The following GALNTL6 variants were observed in gnomAD, a reference collection of about 807,000 sequenced individuals.
GALNTL6 encodes polypeptide N-acetylgalactosaminyltransferase like 6, also known as polypeptide N-acetylgalactosaminyltransferase-like 6.
GALNTL6 carries 46 observed loss-of-function variants against 73.7 expected under a neutral mutation model. The ratio of observed to expected loss-of-function variants is 0.62; its 90% CI spans 0.49 to 0.80. The LOEUF is 0.80. Ranked by LOEUF, GALNTL6 falls within the 30% of genes least tolerant of loss-of-function variation. The pLI is 0.00. For missense variants in GALNTL6, 604 were observed against 755.0 expected, an observed-to-expected ratio of 0.80 and a Z score of 2.34; for synonymous variants, 259 against 263.7, an observed-to-expected ratio of 0.98 and a Z score of 0.17.
At chr4:172,590,289 C>CATTA (rs1271012430) in intron 5 of GALNTL6, among the ~76,000 whole-genome samples, 5 of 152,126 alleles carry the variant, frequency 3.3e-5, no homozygotes, top group Non-Finnish European at 7.4e-5. Flanking sequence ...CAGGGAGCAA[C>CATTA]ATTAGTAGGC....
At chr4:172,041,481 T>C (rs370453692) in intron 2 of GALNTL6, among the ~76,000 whole-genome samples, 24 of 152,056 alleles carry the variant, frequency 1.6e-4, no homozygotes, top group East Asian at 7.7e-4. Flanking sequence ...GCATAAATAA[T>C]TTACAGACAT....
At chr4:172,092,497 A>G (rs895060998) in intron 2 of GALNTL6, among the ~76,000 whole-genome samples, 5 of 152,130 alleles carry the variant, frequency 3.3e-5, no homozygotes, top group African/African-American at 1.2e-4. Flanking sequence ...TGATGTCAAA[A>G]AGACTTAATT....
At chr4:172,171,175 T>C (rs1734808984) in intron 2 of GALNTL6, among the ~76,000 whole-genome samples, 1 of 152,178 alleles carries the variant, frequency 6.6e-6, no homozygotes, top group Admixed American at 6.5e-5. Context: ...GACTTCAGAT[T>C]TTTCAGAGTT....
intron 2 of GALNTL6, among the ~76,000 whole-genome samples, chr4:172,111,415 A>G (rs1213246520): frequency 6.6e-6 from 1 of 151,986 alleles, no homozygotes; most frequent in South Asian, 2.1e-4. Context: ...AATTATTTTT[A>G]GTTTTATTTT....
intron 5 of GALNTL6, among the ~76,000 whole-genome samples, chr4:172,646,341 T>C (rs1280623255): frequency 6.6e-6 from 1 of 152,032 alleles, no homozygotes; most frequent in East Asian, 1.9e-4. Context: ...TCTATGAACA[T>C]GGTATATTTC....
intron 3 of GALNTL6, among the ~76,000 whole-genome samples, chr4:172,267,343 A>G (rs1738483305): frequency 6.6e-6 from 1 of 152,156 alleles, no homozygotes. Context: ...AGGTAAATAA[A>G]ACAGTAAAAG....
At chr4:172,397,876 C>T (rs1024772483) in intron 5 of GALNTL6, among the ~76,000 whole-genome samples, 1 of 152,060 alleles carries the variant, frequency 6.6e-6, no homozygotes, top group African/African-American at 2.4e-5. Context: ...TGTGCCTGGC[C>T]ACTATCTTTT....
intron 4 of GALNTL6, among the ~76,000 whole-genome samples, chr4:172,334,277 T>C (rs1741233279): frequency 6.6e-6 from 1 of 152,210 alleles, no homozygotes; most frequent in African/African-American, 2.4e-5. Context: ...CTTTTTCTAA[T>C]TCTGTGAAAA....
chr4:172,383,585 C>T (rs1453304716), intron 5 of GALNTL6, among the ~76,000 whole-genome samples: 1 of 152,070 alleles, frequency 6.6e-6, no homozygotes, highest in African/African-American at 2.4e-5. Flanking sequence ...TACTTACTTC[C>T]TTTGCTTGCA....
intron 3 of GALNTL6, among the ~76,000 whole-genome samples, chr4:172,263,751 T>C (rs1738336170): frequency 6.6e-6 from 1 of 151,624 alleles, no homozygotes; most frequent in South Asian, 2.1e-4. Context: ...TTTTAAAGTT[T>C]CTGTTGAATA....
chr4:172,525,331 C>T lies in GALNTL6; in HGVS notation c.553+176642C>T, dbSNP rs186774457. Reference sequence around the variant, plus strand: ...AATTGACATCTTTGCAACATTGAACCTTCTACTCAGTAAAAGTGGTATTCC... The same window carrying T: ...AATTGACATCTTTGCAACATTGAACTTTCTACTCAGTAAAAGTGGTATTCC... On this transcript the variant is annotated intron_variant, in intron 5 of 12. Coordinates refer to ENST00000506823, the MANE Select transcript of GALNTL6 (RefSeq NM_001034845.3). 2.1e-3 allele frequency among the ~76,000 whole-genome samples: 327 copies of T among 152,288 alleles called. 2 individuals are homozygous for T. The highest frequency in any genetic ancestry group is 7.5e-3 in the African/African-American group (310 of 41,560).
chr4:172,428,608 A>G (rs777424932), intron 5 of GALNTL6, among the ~76,000 whole-genome samples: 1 of 152,178 alleles, frequency 6.6e-6, no homozygotes, highest in Admixed American at 6.5e-5. Flanking sequence ...AAAAATGTAT[A>G]TGCCATTTTG....
chr4:171,838,362 A>T (rs1338363476), intron 2 of GALNTL6, among the ~76,000 whole-genome samples: 1 of 152,056 alleles, frequency 6.6e-6, no homozygotes, highest in Non-Finnish European at 1.5e-5. Context: ...ACCTCAGGTG[A>T]TCCACCCACC....
At chr4:171,863,261 T>C (rs1030268356) in intron 2 of GALNTL6, among the ~76,000 whole-genome samples, 3 of 152,310 alleles carry the variant, frequency 2.0e-5, no homozygotes, top group African/African-American at 2.4e-5. Flanking sequence ...AAGAAACTAA[T>C]CAATAAACAT....
chr4:172,080,951 T>C (rs1473770834), intron 2 of GALNTL6, among the ~76,000 whole-genome samples: 2 of 152,148 alleles, frequency 1.3e-5, no homozygotes, highest in African/African-American at 4.8e-5. Flanking sequence ...TTGCCTCTCT[T>C]AAACATTTAC....
At chr4:171,879,475 T>A (rs1324394967) in intron 2 of GALNTL6, among the ~76,000 whole-genome samples, 3 of 152,168 alleles carry the variant, frequency 2.0e-5, no homozygotes, top group Non-Finnish European at 2.9e-5. Flanking sequence ...AAATTAGTGT[T>A]ACAGTAGCCT....
chr4:172,549,810 C>G (rs1419817967), intron 5 of GALNTL6, among the ~76,000 whole-genome samples: 1 of 152,144 alleles, frequency 6.6e-6, no homozygotes, highest in African/African-American at 2.4e-5. Flanking sequence ...CTGTCTCACC[C>G]TTTCTTACCT....
chr4:172,384,009 T>A (rs867102375), intron 5 of GALNTL6, among the ~76,000 whole-genome samples: 1 of 152,230 alleles, frequency 6.6e-6, no homozygotes, highest in Middle Eastern at 3.4e-3. Context: ...ATTTGGTTTG[T>A]TAGTATTTTG....
intron 2 of GALNTL6, among the ~76,000 whole-genome samples, chr4:172,135,177 ATACT>A (rs1733604454): frequency 1.3e-5 from 2 of 152,292 alleles, no homozygotes; most frequent in Admixed American, 6.5e-5. Flanking sequence ...ATTATAAGCT[ATACT>A]TATAATTTTG....
Sources: allele counts gnomAD v4.1 joint callset (sites outside exome capture counted in the v4.1 genomes callset), GRCh38; gene constraint gnomAD v4.1.1; transcripts MANE v1.5; gene names NCBI Gene and HGNC (gene_info 2026-07-23, HGNC 2026-07-21).